Variants in ZNF236 observed in about 807,000 individuals in gnomAD.
ZNF236 encodes the protein regulated by glucose.
A neutral mutation model predicts 191.2 loss-of-function variants in ZNF236; 50 were observed. That is an observed-to-expected ratio of 0.26 (90% CI 0.21 to 0.33). ZNF236 has a LOEUF of 0.33. ZNF236 is among the 10% of genes least tolerant of loss of function. The pLI is 1.00. For synonymous variants in ZNF236, 907 were observed against 928.8 expected (o/e 0.98, Z 0.43); for missense variants, 1,754 against 2,374.5 (o/e 0.74, Z 5.43).
intron 1 of ZNF236, among the ~76,000 whole-genome samples, chr18:76,830,121 G>A (rs143153859): frequency 0.016 from 2,404 of 151,876 alleles, 29 homozygotes; most frequent in Non-Finnish European, 0.019. Context: ...CACCCACCTC[G>A]GCCTCCCAAA....
chr18:76,831,852 T>C (rs539462517), intron 1 of ZNF236, among the ~76,000 whole-genome samples: 6 of 152,342 alleles, frequency 3.9e-5, no homozygotes, highest in African/African-American at 1.4e-4. Flanking sequence ...TCTTCTTTGG[T>C]GAAGGGCTGT....
chr18:76,857,664 C>T (rs1976083980), intron 3 of ZNF236, among the ~76,000 whole-genome samples: 2 of 152,202 alleles, frequency 1.3e-5, no homozygotes, highest in Non-Finnish European at 2.9e-5. Context: ...ATCTCCTGCA[C>T]CCTTGCCCGC....
intron 3 of ZNF236, among the ~76,000 whole-genome samples, chr18:76,857,245 TACTC>T (rs1217065031): frequency 1.3e-5 from 2 of 152,170 alleles, no homozygotes; most frequent in Non-Finnish European, 2.9e-5. Flanking sequence ...CCAGCATTAT[TACTC>T]ACTCTCTCAT....
intron 10 of ZNF236, 129 bp downstream of exon 10, chr18:76,895,414 G>A: frequency 2.3e-6 from 3 of 1,293,992 alleles, no homozygotes; most frequent in Admixed American, 2.1e-5. Flanking sequence ...ACTGCTCACA[G>A]GGACTGCACA....
chr18:76,887,249 G>A (rs1480016420), intron 9 of ZNF236, among the ~76,000 whole-genome samples: 1 of 152,060 alleles, frequency 6.6e-6, no homozygotes, highest in Non-Finnish European at 1.5e-5. Context: ...ATGCGCACCT[G>A]TAGTCCCACC....
At chr18:76,957,719 A>G (rs976125017) in intron 28 of ZNF236, among the ~76,000 whole-genome samples, 2 of 152,202 alleles carry the variant, frequency 1.3e-5, no homozygotes, top group East Asian at 1.9e-4. Context: ...CTACGGGTCC[A>G]TGTGTTCTCA....
chr18:76,824,414 G>T (rs1334249698), intron 1 of ZNF236: 3 of 780,990 alleles, frequency 3.8e-6, no homozygotes, highest in Non-Finnish European at 7.2e-6. Context: ...CAGGTATGCA[G>T]ATTTGTAGTT....
chr18:76,910,046 C>T, intron 14 of ZNF236, 22 bp from the exon 15 acceptor site: 8 of 1,589,550 alleles, frequency 5.0e-6, no homozygotes, highest in Non-Finnish European at 6.9e-6. Flanking sequence ...ATGCGTCCCC[C>T]TTTTTTACAT....
rs1568254339 is a variant in ZNF236 at position 76,972,115 on chromosome 18, T to C, written c.*3776T>C. ...CTTAGGCACTTTGGATTTTTTAGAATGAAATTTCAAAAGCGCCTACACGCA... is the reference window on the plus strand; with the variant it reads ...CTTAGGCACTTTGGATTTTTTAGAACGAAATTTCAAAAGCGCCTACACGCA... On this transcript the variant is annotated 3_prime_UTR_variant, in exon 31 of 31. Coordinates refer to ENST00000320610, the MANE Select transcript of ZNF236 (RefSeq NM_001306089.2). Among the ~76,000 whole-genome samples the C allele has an allele frequency of 6.6e-6, 1 of 152,222 alleles. No individual in the cohort carries two copies. The highest frequency in any genetic ancestry group is 1.5e-5 in the Non-Finnish European group (1 of 68,020).
At chr18:76,953,180 A>T (rs529769931) in intron 27 of ZNF236, among the ~76,000 whole-genome samples, 1 of 152,306 alleles carries the variant, frequency 6.6e-6, no homozygotes, top group Non-Finnish European at 1.5e-5. Context: ...ACTAAAACGA[A>T]TGAACTAATT....
intron 4 of ZNF236, 25 bp downstream of exon 4, chr18:76,868,888 T>A (rs748099691): frequency 6.4e-7 from 1 of 1,560,160 alleles, no homozygotes; most frequent in Non-Finnish European, 8.7e-7. Context: ...ATGGGCTTGG[T>A]CAAAAATCCA....
At position 76,927,861 on chromosome 18, in the gene ZNF236, A is replaced by G. The variant is rs763590182; in HGVS notation, c.4415-66A>G. 1.0e-5 allele frequency: 12 copies of G among 1,184,304 alleles called. No individual in the cohort carries two copies. Among genetic ancestry groups the G allele is most frequent in the Non-Finnish European group, 1.2e-5 (10 of 859,994 alleles). 73.4% of individuals were successfully genotyped at this position (1,184,304 alleles called of 1,614,324 possible). Reference sequence around the variant, plus strand: ...TAACAGTTTAATTAAAATATTTTTAATATAAAAACAGGGGAAATTGGTTAT... The same window carrying G: ...TAACAGTTTAATTAAAATATTTTTAGTATAAAAACAGGGGAAATTGGTTAT... On this transcript the variant is annotated intron_variant, in intron 24 of 30. Coordinates refer to ENST00000320610, the MANE Select transcript of ZNF236 (RefSeq NM_001306089.2). This position sits in a 1 kb window ranked among gnomAD's most constrained non-coding sequence, Gnocchi z 5.4.
intron 30 of ZNF236, among the ~76,000 whole-genome samples, chr18:76,966,943 C>A (rs180807486): frequency 1.3e-5 from 2 of 152,190 alleles, no homozygotes; most frequent in Admixed American, 1.3e-4. Flanking sequence ...ATGCATTTTG[C>A]GGGTGTGATT....
chr18:76,873,833 C>T (rs561012228), intron 5 of ZNF236, among the ~76,000 whole-genome samples: 145 of 151,174 alleles, frequency 9.6e-4, no homozygotes, highest in Non-Finnish European at 1.3e-3. Context: ...CCTGTCCCCA[C>T]GTAGGCAGTG....
At chr18:76,873,705 A>C (rs1414644637) in intron 5 of ZNF236, among the ~76,000 whole-genome samples, 1 of 152,230 alleles carries the variant, frequency 6.6e-6, no homozygotes, top group African/African-American at 2.4e-5. Context: ...GGCTGAGTAC[A>C]TTGCAGCATC....
chr18:76,905,549 A>C, intron 13 of ZNF236, 134 bp downstream of exon 13: 1 of 53,156 alleles, frequency 1.9e-5, no homozygotes, highest in Non-Finnish European at 2.6e-5. Context: ...GCTCAAGAAA[A>C]AAAAAAAAAA....
intron 25 of ZNF236, among the ~76,000 whole-genome samples, chr18:76,928,682 T>C (rs1416605818): frequency 1.3e-5 from 2 of 152,144 alleles, no homozygotes; most frequent in Non-Finnish European, 2.9e-5. Flanking sequence ...GCTGCTCGCA[T>C]TCTGACTTTT....
At chr18:76,886,979 C>A in intron 9 of ZNF236, 1 of 183,466 alleles carries the variant, frequency 5.5e-6, no homozygotes, top group Admixed American at 5.0e-5. Context: ...CTATCAGTGA[C>A]TGTCTCTCTC....
chr18:76,837,465 A>G (rs1360722608), intron 1 of ZNF236, among the ~76,000 whole-genome samples: 2 of 111,936 alleles, frequency 1.8e-5, no homozygotes, highest in Non-Finnish European at 3.5e-5. Flanking sequence ...TTTGAGACAG[A>G]GTTTCACTCT....
Sources: allele counts gnomAD v4.1 joint callset (sites outside exome capture counted in the v4.1 genomes callset), GRCh38; gene constraint gnomAD v4.1.1; non-coding constraint Gnocchi (gnomAD v3.1); transcripts MANE v1.5; gene names NCBI Gene and HGNC (gene_info 2026-07-23, HGNC 2026-07-21).